MMADHC: variants seen among roughly 807,000 people sequenced by gnomAD.
MMADHC encodes the protein metabolism of cobalamin associated D, also known as cobalamin trafficking protein CblD.
Under a neutral mutation model 36.3 loss-of-function variants are expected in MMADHC, and 23 were observed. The ratio of observed to expected loss-of-function variants is 0.63; its 90% CI spans 0.46 to 0.90. The LOEUF (loss-of-function observed/expected upper bound fraction) is 0.90. Ranked by LOEUF, MMADHC falls within the 40% of genes least tolerant of loss-of-function variation. The probability of loss-of-function intolerance (pLI) is 0.00; values close to 1 mark genes in which losing one functional copy is unlikely to be tolerated. For synonymous variants in MMADHC, 97 were observed against 116.1 expected (o/e 0.84, Z 1.06); for missense variants, 330 against 348.0 (o/e 0.95, Z 0.41).
At chr2:149,582,679 T>C (rs1164937384) in intron 2 of MMADHC, among the ~76,000 whole-genome samples, 1 of 152,208 alleles carries the variant, frequency 6.6e-6, no homozygotes, top group African/African-American at 2.4e-5. Flanking sequence ...CTTTTCTCTC[T>C]TCTTTTACTG....
chr2:149,574,826 G>A (rs1325793172), intron 6 of MMADHC, among the ~76,000 whole-genome samples: 1 of 152,144 alleles, frequency 6.6e-6, no homozygotes, highest in Non-Finnish European at 1.5e-5. Flanking sequence ...AGAGATGGTA[G>A]GTATCACTTT....
chr2:149,576,254 G>A (rs912815325), intron 5 of MMADHC, among the ~76,000 whole-genome samples, 183 bp downstream of exon 5: 1 of 152,086 alleles, frequency 6.6e-6, no homozygotes, highest in African/African-American at 2.4e-5. Flanking sequence ...CCTATCTAAT[G>A]GCAGCATGAG....
At chr2:149,584,738 C>T (rs1471704987) in intron 2 of MMADHC, among the ~76,000 whole-genome samples, 2 of 152,210 alleles carry the variant, frequency 1.3e-5, no homozygotes, top group East Asian at 3.9e-4. Flanking sequence ...TCAAACCTTA[C>T]CCGTTAACCT....
chr2:149,573,173 G>A (rs192026382), intron 6 of MMADHC, among the ~76,000 whole-genome samples: 21 of 152,228 alleles, frequency 1.4e-4, no homozygotes, highest in Admixed American at 1.4e-3. Context: ...CAGGAGATGA[G>A]ACCAAACCAC....
Position 149,582,353 on chromosome 2 carries a change from A to G in MMADHC, c.10-82T>C, listed in dbSNP as rs966892367. 7 of 1,432,186 alleles carry G rather than the reference A, an allele frequency of 4.9e-6. No individual in the cohort carries two copies. In the African/African-American group the frequency reaches 9.9e-5, roughly 20 times the overall value. 88.7% of individuals were successfully genotyped at this position (1,432,186 alleles called of 1,614,324 possible). On this transcript the variant is annotated intron_variant, in intron 2 of 7. Transcript: ENST00000303319. ...TAGACAATCTCTGGCAAATCTTCAC[A>G]CTGCAAGGTTCTTTTAAAACCAACA...
intron 4 of MMADHC, among the ~76,000 whole-genome samples, chr2:149,577,877 G>A (rs1388084655): frequency 6.6e-6 from 1 of 152,092 alleles, no homozygotes; most frequent in Non-Finnish European, 1.5e-5. Flanking sequence ...AATCAGCTGG[G>A]TGTGGTGGTG....
At chr2:149,574,379 TTA>T (rs1682684898) in intron 6 of MMADHC, among the ~76,000 whole-genome samples, 1 of 152,230 alleles carries the variant, frequency 6.6e-6, no homozygotes, top group Non-Finnish European at 1.5e-5. Flanking sequence ...CTATTAGCAG[TTA>T]TGTGACATTT....
intron 6 of MMADHC, among the ~76,000 whole-genome samples, chr2:149,572,897 C>A (rs879006042): frequency 6.6e-6 from 1 of 152,084 alleles, no homozygotes; most frequent in Admixed American, 6.5e-5. Flanking sequence ...CCAAGCCTTA[C>A]AAATCAAGAC....
chr2:149,574,677 G>A (rs1573876180), intron 6 of MMADHC, among the ~76,000 whole-genome samples: 1 of 152,168 alleles, frequency 6.6e-6, no homozygotes, highest in Admixed American at 6.5e-5. Context: ...GATACACACT[G>A]ATTCAGCAAT....
At chr2:149,583,486 C>T (rs1278616465) in intron 2 of MMADHC, among the ~76,000 whole-genome samples, 1 of 152,086 alleles carries the variant, frequency 6.6e-6, no homozygotes, top group South Asian at 2.1e-4. Context: ...GGGCTTGTTA[C>T]ATCAAGATAG....
chr2:149,586,966 C>T (rs2105053325), intron 2 of MMADHC, 123 bp downstream of exon 2: 1 of 1,027,616 alleles, frequency 9.7e-7, no homozygotes, highest in Non-Finnish European at 1.5e-6. Flanking sequence ...CTTCCCTTGA[C>T]ATTTTTGATA....
intron 6 of MMADHC, chr2:149,572,124 T>C (rs1205551133): frequency 3.1e-6 from 1 of 322,020 alleles, no homozygotes; most frequent in Non-Finnish European, 6.0e-6. Flanking sequence ...ATTAGCTTTA[T>C]CAGAAGTCTA....
intron 2 of MMADHC, among the ~76,000 whole-genome samples, chr2:149,584,544 CATTAG>C (rs1158897721): frequency 6.6e-6 from 1 of 152,014 alleles, no homozygotes; most frequent in Non-Finnish European, 1.5e-5. Context: ...CTATCAAGGC[CATTAG>C]ATTATATTTT....
At chr2:149,571,301 T>C in intron 6 of MMADHC, 130 bp from the exon 7 acceptor site, 1 of 567,492 alleles carries the variant, frequency 1.8e-6, no homozygotes. Flanking sequence ...TAAAAACCAA[T>C]GGCAAATTAG....
In MMADHC at chr2:149,569,862, C is replaced by G. The variant is rs941418914; in HGVS notation, c.*112G>C. 1 of 982,780 alleles carries G rather than the reference C, an allele frequency of 1.0e-6. No homozygotes were observed. Among genetic ancestry groups the G allele is most frequent in the African/African-American group, 1.7e-5 (1 of 60,278 alleles). The allele number at this position is 982,780 out of a possible 1,614,324, so 60.9% of individuals were successfully genotyped here. A position where few individuals can be genotyped will look rare whatever the true frequency, so the allele number is the denominator to read the frequency against. On this transcript the variant is annotated 3_prime_UTR_variant, in exon 8 of 8. Transcript: ENST00000303319. ...TGCCAATGTTGTAAATTCATAAATG[C>G]TGAAATAAATACTTAGAAATAAATA...
chr2:149,584,001 T>C (rs1452748949), intron 2 of MMADHC, among the ~76,000 whole-genome samples: 2 of 152,218 alleles, frequency 1.3e-5, no homozygotes, highest in Non-Finnish European at 2.9e-5. Flanking sequence ...GTGATACGTG[T>C]CTCCAAAGCA....
At chr2:149,586,578 A>G (rs1158720531) in intron 2 of MMADHC, among the ~76,000 whole-genome samples, 4 of 152,222 alleles carry the variant, frequency 2.6e-5, no homozygotes, top group Non-Finnish European at 5.9e-5. Flanking sequence ...CTGTTTTTAT[A>G]TATGTCTTAT....
At chr2:149,583,536 G>T (rs1488441689) in intron 2 of MMADHC, among the ~76,000 whole-genome samples, 1 of 152,098 alleles carries the variant, frequency 6.6e-6, no homozygotes, top group East Asian at 1.9e-4. Flanking sequence ...AAGAGTCAGA[G>T]CAAACTGACA....
At chr2:149,584,567 T>C (rs1254397973) in intron 2 of MMADHC, among the ~76,000 whole-genome samples, 3 of 152,302 alleles carry the variant, frequency 2.0e-5, no homozygotes, top group African/African-American at 7.2e-5. Flanking sequence ...TTTGACATTC[T>C]TTTCTTGGTG....
Sources: gnomAD v4.1 joint callset for allele counts (sites outside exome capture counted in the v4.1 genomes callset) on GRCh38, gnomAD v4.1.1 for gene constraint, MANE v1.5 for transcripts, NCBI Gene and HGNC (gene_info 2026-07-23, HGNC 2026-07-21) for gene names.